The following INPP4B variants were observed in gnomAD, a reference collection of about 807,000 sequenced individuals.
INPP4B encodes inositol polyphosphate 4-phosphatase type II.
A neutral mutation model predicts 122.5 loss-of-function variants in INPP4B; 55 were observed. The observed-to-expected ratio is 0.45, with a 90% confidence interval of 0.36 to 0.56. The LOEUF (loss-of-function observed/expected upper bound fraction) is 0.56, where lower values mean the gene tolerates loss of function less well. Ranked by LOEUF, INPP4B falls within the 20% of genes least tolerant of loss-of-function variation. The pLI is 0.00. For synonymous variants in INPP4B, 403 were observed against 388.7 expected (o/e 1.04, Z -0.43); for missense variants, 1,000 against 1,097.7 (o/e 0.91, Z 1.26).
In INPP4B at chr4:142,514,795, T is replaced by A. The variant is rs1825201073; in HGVS notation, c.-190-52069A>T. 2.3e-5 allele frequency among the ~76,000 whole-genome samples: 3 copies of A among 130,230 alleles called. No homozygotes were observed. In the South Asian group the frequency reaches 7.6e-4, roughly 33 times the overall value. The allele number at this position is 130,230 out of a possible 152,430, so 85.4% of individuals were successfully genotyped here. A position where few individuals can be genotyped will look rare whatever the true frequency, so the allele number is the denominator to read the frequency against. On this transcript the variant is annotated intron_variant, in intron 2 of 25. Coordinates refer to ENST00000262992, the MANE Select transcript of INPP4B (RefSeq NM_001101669.3). ...TCCCCTGCACACACCATGATTTCTTTTTTTTTTTTTTTTTTTTTGAGACGA... is the reference window on the plus strand; with the variant it reads ...TCCCCTGCACACACCATGATTTCTTATTTTTTTTTTTTTTTTTTGAGACGA...
chr4:142,269,290 C>G (rs1398617374), intron 10 of INPP4B, among the ~76,000 whole-genome samples: 1 of 57,658 alleles, frequency 1.7e-5, no homozygotes, highest in Non-Finnish European at 4.3e-5. Context: ...CATTGCCTAC[C>G]CTCCCCCCTC....
At chr4:142,790,765 TG>T (rs1308519356) in intron 1 of INPP4B, among the ~76,000 whole-genome samples, 1 of 152,026 alleles carries the variant, frequency 6.6e-6, no homozygotes, top group Non-Finnish European at 1.5e-5. Flanking sequence ...CAGAAAAGAA[TG>T]TTATTCTAAA....
At chr4:142,513,182 G>A (rs923372200) in intron 2 of INPP4B, among the ~76,000 whole-genome samples, 3 of 152,170 alleles carry the variant, frequency 2.0e-5, no homozygotes, top group Non-Finnish European at 2.9e-5. Context: ...TAGATTCTGC[G>A]GACACTGAAA....
At chr4:142,274,674 T>TTTGA (rs375178563) in intron 9 of INPP4B, among the ~76,000 whole-genome samples, 2 of 151,998 alleles carry the variant, frequency 1.3e-5, no homozygotes, top group Non-Finnish European at 2.9e-5. Context: ...AGGATACAAA[T>TTTGA]TTGATTGAAC....
intron 21 of INPP4B, among the ~76,000 whole-genome samples, chr4:142,114,482 T>A (rs10032328): frequency 3.9e-5 from 6 of 151,954 alleles, no homozygotes; most frequent in African/African-American, 1.2e-4. Context: ...GGAAATGGTA[T>A]CTGTGATTTT....
At chr4:142,698,021 T>C (rs867548709) in intron 2 of INPP4B, among the ~76,000 whole-genome samples, 1 of 152,176 alleles carries the variant, frequency 6.6e-6, no homozygotes, top group Non-Finnish European at 1.5e-5. Context: ...TGAAACATGC[T>C]TGAATTTAAA....
intron 3 of INPP4B, among the ~76,000 whole-genome samples, chr4:142,449,778 A>G (rs1813752133): frequency 6.6e-6 from 1 of 152,198 alleles, no homozygotes; most frequent in Non-Finnish European, 1.5e-5. Context: ...ACATTAAGGC[A>G]TAGAAGACCG....
chr4:142,815,773 G>A (rs1009662056), intron 1 of INPP4B, among the ~76,000 whole-genome samples: 3 of 152,008 alleles, frequency 2.0e-5, no homozygotes, highest in Admixed American at 2.0e-4. Context: ...CAGGTGATTG[G>A]AAGAAAACAC....
chr4:142,577,617 G>C (rs1734133766), intron 2 of INPP4B, among the ~76,000 whole-genome samples: 1 of 151,966 alleles, frequency 6.6e-6, no homozygotes, highest in Non-Finnish European at 1.5e-5. Flanking sequence ...TCATTTACCA[G>C]TTATAAAAAC....
chr4:142,534,256 G>A (rs111581472), intron 2 of INPP4B, among the ~76,000 whole-genome samples: 6 of 152,192 alleles, frequency 3.9e-5, no homozygotes, highest in African/African-American at 1.2e-4. Flanking sequence ...CTGTGCTATG[G>A]TGGTGTTATG....
Position 142,798,540 on chromosome 4 carries a change from C to T in INPP4B, c.-254+47669G>A, listed in dbSNP as rs539242739. 6.6e-5 allele frequency among the ~76,000 whole-genome samples: 10 copies of T among 151,766 alleles called. No homozygotes were observed. The South Asian group carries it at 2.1e-3, about 32-fold the overall frequency. On this transcript the variant is annotated intron_variant, in intron 1 of 25. Coordinates refer to ENST00000262992, the MANE Select transcript of INPP4B (RefSeq NM_001101669.3). ...GAAAGAGGAGAGGTGCTAATACCCCCCAAACATGAGGAATAAGGAGTCTCC... is the reference window on the plus strand; with the variant it reads ...GAAAGAGGAGAGGTGCTAATACCCCTCAAACATGAGGAATAAGGAGTCTCC...
intron 2 of INPP4B, among the ~76,000 whole-genome samples, chr4:142,637,770 G>A (rs1335769385): frequency 6.6e-6 from 1 of 152,156 alleles, no homozygotes; most frequent in Non-Finnish European, 1.5e-5. Flanking sequence ...GTAGCCAACT[G>A]CCAAGCTGTT....
chr4:142,749,486 T>C (rs1235340154), intron 1 of INPP4B, among the ~76,000 whole-genome samples: 2 of 150,298 alleles, frequency 1.3e-5, no homozygotes, highest in African/African-American at 4.9e-5. Flanking sequence ...GTAAACCAAT[T>C]AAAAGAAGTA....
At chr4:142,243,742 T>G (rs2150055595) in intron 11 of INPP4B, among the ~76,000 whole-genome samples, 1 of 152,302 alleles carries the variant, frequency 6.6e-6, no homozygotes, top group South Asian at 2.1e-4. Flanking sequence ...AAAATGAGTA[T>G]AGCAGGAACT....
intron 7 of INPP4B, among the ~76,000 whole-genome samples, chr4:142,381,617 C>A (rs1794121690): frequency 6.6e-6 from 1 of 152,118 alleles, no homozygotes; most frequent in Non-Finnish European, 1.5e-5. Flanking sequence ...TTTCCCTACT[C>A]CTTGCCTCTA....
chr4:142,795,556 T>C (rs1777124239), intron 1 of INPP4B: 1 of 152,060 alleles, frequency 6.6e-6, no homozygotes, highest in South Asian at 2.1e-4. Context: ...TAACTTTTCC[T>C]TTTTAAAGCT....
chr4:142,283,965 G>A (rs1012422134), intron 9 of INPP4B, among the ~76,000 whole-genome samples: 3 of 152,116 alleles, frequency 2.0e-5, no homozygotes, highest in African/African-American at 7.2e-5. Context: ...TGGTGTCCCA[G>A]ATAACAAGGG....
intron 2 of INPP4B, among the ~76,000 whole-genome samples, chr4:142,678,151 A>G (rs886977194): frequency 1.3e-5 from 2 of 151,972 alleles, no homozygotes; most frequent in South Asian, 4.1e-4. Context: ...ATTATTTATT[A>G]GAATACTATG....
chr4:142,347,096 A>G (rs1316670147), intron 7 of INPP4B, among the ~76,000 whole-genome samples: 1 of 152,090 alleles, frequency 6.6e-6, no homozygotes, highest in Non-Finnish European at 1.5e-5. Context: ...AACCAACCGT[A>G]TCTTTAAAAT....
Sources: gnomAD v4.1 joint callset for allele counts (sites outside exome capture counted in the v4.1 genomes callset) on GRCh38, gnomAD v4.1.1 for gene constraint, MANE v1.5 for transcripts, NCBI Gene and HGNC (gene_info 2026-07-23, HGNC 2026-07-21) for gene names.